YAF2: variants seen among roughly 807,000 people sequenced by gnomAD.
The protein encoded by YAF2 is YY1 associated factor 2, also known as YY1-associated factor 2.
A neutral mutation model predicts 20.1 loss-of-function variants in YAF2; 7 were observed. That is an observed-to-expected ratio of 0.35 (90% CI 0.20 to 0.65). The LOEUF (loss-of-function observed/expected upper bound fraction) is 0.65, where lower values mean the gene tolerates loss of function less well. YAF2 is among the 30% of genes least tolerant of loss of function. YAF2 has a pLI of 0.69. For synonymous variants in YAF2, 74 were observed against 76.0 expected (o/e 0.97, Z 0.14); for missense variants, 151 against 219.2 (o/e 0.69, Z 1.96).
At chr12:42,164,749 C>G (rs138524262) in intron 2 of YAF2, among the ~76,000 whole-genome samples, 1,721 of 151,964 alleles carry the variant, frequency 0.011, 124 homozygotes, top group Admixed American at 0.1. Context: ...GCCCAAAAAT[C>G]TAACCTAGGA....
chr12:42,183,184 C>A (rs927013175), intron 2 of YAF2, among the ~76,000 whole-genome samples: 1 of 152,068 alleles, frequency 6.6e-6, no homozygotes, highest in Non-Finnish European at 1.5e-5. Flanking sequence ...CTCCACTGAC[C>A]AGCTGTTCCC....
chr12:42,193,965 T>C (rs1004926660), intron 2 of YAF2, among the ~76,000 whole-genome samples: 1 of 152,112 alleles, frequency 6.6e-6, no homozygotes, highest in Non-Finnish European at 1.5e-5. Flanking sequence ...ACAAACAGTT[T>C]AAAAAGTAAT....
At chr12:42,223,722 G>A (rs555926461) in intron 2 of YAF2, among the ~76,000 whole-genome samples, 53 of 152,056 alleles carry the variant, frequency 3.5e-4, no homozygotes, top group African/African-American at 1.1e-3. Flanking sequence ...CATGTCCTTC[G>A]CAGGGACATG....
intron 2 of YAF2, among the ~76,000 whole-genome samples, chr12:42,211,742 CAA>C (rs1173533325): frequency 3.3e-4 from 14 of 42,414 alleles, no homozygotes; most frequent in East Asian, 5.6e-4. Context: ...AGACTCTGTC[CAA>C]AAAAAAAAAA....
intron 2 of YAF2, among the ~76,000 whole-genome samples, chr12:42,203,121 A>G: frequency 6.6e-6 from 1 of 151,994 alleles, no homozygotes. Context: ...TAAAATTCAC[A>G]AAGTAACTTT....
At chr12:42,217,263 T>C (rs559070319) in intron 2 of YAF2, among the ~76,000 whole-genome samples, 1 of 152,336 alleles carries the variant, frequency 6.6e-6, no homozygotes, top group Non-Finnish European at 1.5e-5. Context: ...TATAATTTTT[T>C]TTATAAGAAA....
At chr12:42,210,881 A>G in intron 2 of YAF2, 3 of 396,946 alleles carry the variant, frequency 7.6e-6, no homozygotes, top group Non-Finnish European at 1.3e-5. Flanking sequence ...TTCATTTTAA[A>G]AAGTCTACTA....
intron 3 of YAF2, 26 bp downstream of exon 3, chr12:42,161,587 T>C: frequency 6.5e-7 from 1 of 1,549,656 alleles, no homozygotes; most frequent in Non-Finnish European, 8.7e-7. Context: ...ATTTCAAAAA[T>C]GTCATAAAAC....
chr12:42,179,806 A>AAG (rs2066295551), intron 2 of YAF2, among the ~76,000 whole-genome samples: 1 of 151,712 alleles, frequency 6.6e-6, no homozygotes, highest in Admixed American at 6.6e-5. Flanking sequence ...AAAAAAAAAA[A>AAG]AAAGAAATCA....
intron 2 of YAF2, among the ~76,000 whole-genome samples, chr12:42,169,231 A>G (rs571474269): frequency 6.6e-6 from 1 of 152,230 alleles, no homozygotes; most frequent in Admixed American, 6.5e-5. Context: ...TCATGACATT[A>G]TTTAACATTC....
At chr12:42,210,320 A>T in intron 2 of YAF2, 1 of 1,436,242 alleles carries the variant, frequency 7.0e-7, no homozygotes, top group Non-Finnish European at 9.3e-7. Context: ...TGGGGGGAAA[A>T]AAAATCTCAG....
chr12:42,235,844 C>T (rs1373017382), intron 2 of YAF2: 3 of 1,536,112 alleles, frequency 2.0e-6, no homozygotes, highest in Non-Finnish European at 1.7e-6. Context: ...GGCCAACTCC[C>T]CTGTGTACTA....
At chr12:42,216,807 C>T (rs2067370918) in intron 2 of YAF2, among the ~76,000 whole-genome samples, 1 of 152,158 alleles carries the variant, frequency 6.6e-6, no homozygotes, top group African/African-American at 2.4e-5. Context: ...CTATTACCTT[C>T]CCCCAAACCT....
rs996776651 is a variant in YAF2 at position 42,158,536 on chromosome 12, C to A, written c.*2053G>T. 6.6e-6 allele frequency: 1 copy of A among 152,088 alleles called. No individual in the cohort carries two copies. The highest frequency in any genetic ancestry group is 2.4e-5 in the African/African-American group (1 of 41,408). The allele number at this position is 152,088 out of a possible 1,614,324, so 9.4% of individuals were successfully genotyped here. On this transcript the variant is annotated 3_prime_UTR_variant, in exon 4 of 4. Transcript: ENST00000534854. Reference sequence around the variant, plus strand: ...AAACCCTATAAATTAGATGTGATTACCATTATTAGCCCTGTTTTATAGATG... The same window carrying A: ...AAACCCTATAAATTAGATGTGATTAACATTATTAGCCCTGTTTTATAGATG...
At chr12:42,221,648 C>G (rs1480646784) in intron 2 of YAF2, among the ~76,000 whole-genome samples, 2 of 152,122 alleles carry the variant, frequency 1.3e-5, no homozygotes, top group African/African-American at 4.8e-5. Flanking sequence ...ATACTTCCAG[C>G]CTGTTTTCTT....
intron 2 of YAF2, among the ~76,000 whole-genome samples, chr12:42,180,914 C>T (rs2066326435): frequency 6.6e-6 from 1 of 152,118 alleles, no homozygotes; most frequent in Non-Finnish European, 1.5e-5. Flanking sequence ...TGCCACTGCA[C>T]TCCAGCCTGG....
At chr12:42,165,243 GTTA>G in intron 2 of YAF2, among the ~76,000 whole-genome samples, 1 of 152,108 alleles carries the variant, frequency 6.6e-6, no homozygotes, top group Middle Eastern at 3.4e-3. Flanking sequence ...AGGAGGAGGA[GTTA>G]TTATAGACAG....
intron 2 of YAF2, among the ~76,000 whole-genome samples, chr12:42,194,742 T>A (rs1023564200): frequency 2.6e-5 from 4 of 152,218 alleles, no homozygotes; most frequent in Admixed American, 6.5e-5. Flanking sequence ...TACTAAATAC[T>A]ACCTATGGTC....
At chr12:42,208,420 T>C (rs1035884762) in intron 2 of YAF2, among the ~76,000 whole-genome samples, 2 of 152,132 alleles carry the variant, frequency 1.3e-5, no homozygotes, top group Non-Finnish European at 2.9e-5. Flanking sequence ...AGTGAGACTC[T>C]GTCTCACTTT....
Sources: allele counts gnomAD v4.1 joint callset (sites outside exome capture counted in the v4.1 genomes callset), GRCh38; gene constraint gnomAD v4.1.1; transcripts MANE v1.5; gene names NCBI Gene and HGNC (gene_info 2026-07-23, HGNC 2026-07-21).